ADSS1: variants seen among roughly 807,000 people sequenced by gnomAD.
ADSS1 encodes adenylosuccinate synthetase isozyme 1.
A neutral mutation model predicts 59.1 loss-of-function variants in ADSS1; 57 were observed. That is an observed-to-expected ratio of 0.97 (90% CI 0.78 to 1.20). The LOEUF is 1.20. Among genes scored for constraint, ADSS1 ranks in the 50% most tolerant of loss-of-function variants. ADSS1 has a pLI of 0.00. For missense variants in ADSS1, 603 were observed against 610.3 expected (o/e 0.99, Z 0.13); for synonymous variants, 247 against 249.4 (o/e 0.99, Z 0.09).
intron 3 of ADSS1, among the ~76,000 whole-genome samples, chr14:104,739,078 C>T (rs1419659425): frequency 1.3e-5 from 2 of 152,092 alleles, no homozygotes; most frequent in Non-Finnish European, 2.9e-5. Flanking sequence ...CTGGAGTGGG[C>T]GAAGCCTGCA....
chr14:104,738,983 G>T (rs1049473432), intron 3 of ADSS1, among the ~76,000 whole-genome samples: 1 of 152,204 alleles, frequency 6.6e-6, no homozygotes, highest in African/African-American at 2.4e-5. Flanking sequence ...TACCCAGACT[G>T]AGGCCCTGAG....
chr14:104,732,880 GC>G (rs1269066900), intron 1 of ADSS1, among the ~76,000 whole-genome samples: 2 of 152,190 alleles, frequency 1.3e-5, no homozygotes, highest in African/African-American at 4.8e-5. Flanking sequence ...CCACATATGT[GC>G]CGAGGCAAGG....
At chr14:104,746,916 A>G in intron 12 of ADSS1, 35 bp from the exon 13 acceptor site, 1 of 1,611,182 alleles carries the variant, frequency 6.2e-7, no homozygotes, top group East Asian at 2.2e-5. Flanking sequence ...TTCTGCCTCC[A>G]GTGTGTATCA....
In ADSS1 at chr14:104,741,249, T is replaced by C. The variant is rs2140812470; in HGVS notation, c.793+6T>C. The C allele has an allele frequency of 1.3e-6, 2 of 1,560,840 alleles. No individual in the cohort carries two copies. Among genetic ancestry groups the C allele is most frequent in the Non-Finnish European group, 1.7e-6 (2 of 1,153,094 alleles). Reference sequence around the variant, plus strand: ...CCTCCTCGACATTGACTTCGGTATGTCCGGGAGGGTGTGCGTGCCAACGAC... The same window carrying C: ...CCTCCTCGACATTGACTTCGGTATGCCCGGGAGGGTGTGCGTGCCAACGAC... On this transcript the variant is annotated splice_donor_region_variant and intron_variant, in intron 8 of 12. Transcript: ENST00000330877.
intron 1 of ADSS1, among the ~76,000 whole-genome samples, chr14:104,729,259 A>G (rs1338507904): frequency 2.0e-5 from 3 of 152,156 alleles, no homozygotes; most frequent in Non-Finnish European, 2.9e-5. Context: ...AAGGAGGTCA[A>G]TGGACAGCCC....
At chr14:104,733,452 C>T (rs1346700676) in intron 1 of ADSS1, among the ~76,000 whole-genome samples, 7 of 152,330 alleles carry the variant, frequency 4.6e-5, no homozygotes, top group East Asian at 1.9e-4. Flanking sequence ...TGCCCTGCCA[C>T]GAGGCGCCGG....
chr14:104,728,469 G>A (rs1245447396), intron 1 of ADSS1, among the ~76,000 whole-genome samples: 2 of 152,112 alleles, frequency 1.3e-5, no homozygotes, highest in Admixed American at 6.5e-5. Flanking sequence ...TACCAAAAGG[G>A]GCAGAGAACA....
intron 10 of ADSS1, 111 bp downstream of exon 10, chr14:104,743,302 A>C: frequency 6.8e-7 from 1 of 1,480,956 alleles, no homozygotes; most frequent in Middle Eastern, 1.7e-4. Flanking sequence ...TCCTTGGACA[A>C]GGTTTCCACT....
intron 3 of ADSS1, among the ~76,000 whole-genome samples, 175 bp from the exon 4 acceptor site, chr14:104,739,153 A>G (rs1401728721): frequency 6.7e-6 from 1 of 150,238 alleles, no homozygotes; most frequent in Non-Finnish European, 1.5e-5. Context: ...GCTGGGGAGG[A>G]GACAACGAGG....
chr14:104,727,016 G>C (rs984416983), intron 1 of ADSS1, among the ~76,000 whole-genome samples: 1 of 152,146 alleles, frequency 6.6e-6, no homozygotes, highest in African/African-American at 2.4e-5. Context: ...CCATCACTTC[G>C]AGCCCAGCTC....
At chr14:104,742,499 T>C (rs1417634965) in intron 9 of ADSS1, among the ~76,000 whole-genome samples, 1 of 152,252 alleles carries the variant, frequency 6.6e-6, no homozygotes, top group Non-Finnish European at 1.5e-5. Context: ...TGGAAGCTGC[T>C]GTGGCCCCAG....
At chr14:104,739,229 T>G (rs1891240642) in intron 3 of ADSS1, 99 bp from the exon 4 acceptor site, 3 of 1,326,222 alleles carry the variant, frequency 2.3e-6, no homozygotes, top group Non-Finnish European at 2.1e-6. Context: ...ATGCCTTACC[T>G]GGATGGGAGC....
At chr14:104,724,912 C>A (rs1890676242) in intron 1 of ADSS1, among the ~76,000 whole-genome samples, 2 of 152,150 alleles carry the variant, frequency 1.3e-5, no homozygotes, top group South Asian at 4.1e-4. Flanking sequence ...TTACCTGGCT[C>A]CCCGCAAGGT....
At chr14:104,736,086 C>T (rs1386337150) in intron 2 of ADSS1, among the ~76,000 whole-genome samples, 1 of 152,202 alleles carries the variant, frequency 6.6e-6, no homozygotes, top group African/African-American at 2.4e-5. Flanking sequence ...AGGTGGCTGC[C>T]GCAGGGGCCA....
At chr14:104,745,765 G>A (rs187366236) in intron 11 of ADSS1, 2,021 of 154,032 alleles carry the variant, frequency 0.013, 45 homozygotes, top group African/African-American at 0.045. Context: ...GCGAGAACCC[G>A]TATTCCAGCA....
At position 104,724,343 on chromosome 14, in the gene ADSS1, G is replaced by C. The variant is rs1054789257; in HGVS notation, c.73G>C (p.Glu25Gln). 2 of 1,242,614 alleles carry C rather than the reference G, an allele frequency of 1.6e-6. No homozygotes were observed. The highest frequency in any genetic ancestry group is 3.1e-5 in the African/African-American group (2 of 64,596). 77.0% of individuals were successfully genotyped at this position (1,242,614 alleles called of 1,614,324 possible). A position where few individuals can be genotyped will look rare whatever the true frequency, so the allele number is the denominator to read the frequency against. The change falls in exon 1 of 13, where the codon GAG becomes CAG. Residue 25 changes from glutamate (E) to glutamine (Q), a missense_variant. Coordinates refer to ENST00000330877, the MANE Select transcript of ADSS1 (RefSeq NM_152328.5). ...GGVKRGRLQQ[E>Q]AAATGSRVTV... ...CGTCAAGCGGGGGCGGCTGCAGCAG[G>C]AGGCGGCGGCGACCGGCTCCCGCGT...
At chr14:104,734,716 C>T (rs562425851) in intron 1 of ADSS1, among the ~76,000 whole-genome samples, 11 of 152,302 alleles carry the variant, frequency 7.2e-5, no homozygotes, top group Non-Finnish European at 1.3e-4. Flanking sequence ...ATGAGAGGAG[C>T]GAGCTCCAGA....
chr14:104,738,303 A>G, intron 2 of ADSS1, 73 bp from the exon 3 acceptor site: 1 of 1,536,078 alleles, frequency 6.5e-7, no homozygotes, highest in Non-Finnish European at 9.0e-7. Flanking sequence ...CACCCATTTC[A>G]TGCTGTTCTT....
At chr14:104,742,358 G>T (rs1891397158) in intron 9 of ADSS1, among the ~76,000 whole-genome samples, 1 of 152,274 alleles carries the variant, frequency 6.6e-6, no homozygotes, top group African/African-American at 2.4e-5. Context: ...CCTTGGCTCA[G>T]AGAGGACACT....
Sources: allele counts gnomAD v4.1 joint callset (sites outside exome capture counted in the v4.1 genomes callset), GRCh38; gene constraint gnomAD v4.1.1; transcripts MANE v1.5; gene names NCBI Gene and HGNC (gene_info 2026-07-23, HGNC 2026-07-21).